Variants in KATNAL2 observed in about 807,000 individuals in gnomAD.
KATNAL2 encodes the protein katanin p60 ATPase-containing subunit A-like 2.
In KATNAL2, 52 loss-of-function variants were observed where a neutral mutation model predicts 76.3. The observed-to-expected ratio is 0.68, with a 90% CI of 0.55 to 0.86. The LOEUF is 0.86. Ranked by LOEUF, KATNAL2 falls within the 40% of genes least tolerant of loss-of-function variation. The pLI is 0.00. For synonymous variants in KATNAL2, 243 were observed against 244.2 expected (o/e 1.00, Z 0.05); for missense variants, 660 against 668.9 (o/e 0.99, Z 0.15).
At chr18:47,028,597 A>ACCTC in intron 3 of KATNAL2, 1 of 624,244 alleles carries the variant, frequency 1.6e-6, no homozygotes, top group Non-Finnish European at 2.2e-6. Flanking sequence ...AGCCGCAGGT[A>ACCTC]CAGCTCCCGC....
In KATNAL2 at chr18:47,062,106, A is replaced by G. The variant is rs1372558942; in HGVS notation, c.550-866A>G. Among the ~76,000 whole-genome samples the G allele has an allele frequency of 2.0e-5, 3 of 152,184 alleles. No homozygotes were observed. In the South Asian group the frequency reaches 6.2e-4, roughly 32 times the overall value. ...TATAAGAATTAGAAGTAGGCTGGGTATGCTGGTTCGCACCTGTAATCCCAG... is the reference window on the plus strand; with the variant it reads ...TATAAGAATTAGAAGTAGGCTGGGTGTGCTGGTTCGCACCTGTAATCCCAG... On this transcript the variant is annotated intron_variant, in intron 8 of 17. Coordinates refer to ENST00000683218, the MANE Select transcript of KATNAL2 (RefSeq NM_001387690.1).
intron 3 of KATNAL2, among the ~76,000 whole-genome samples, chr18:47,038,024 A>G (rs1368887702): frequency 6.6e-6 from 1 of 152,130 alleles, no homozygotes; most frequent in East Asian, 1.9e-4. Context: ...TACCAGACAG[A>G]GTTCTAAAGG....
intron 3 of KATNAL2, among the ~76,000 whole-genome samples, chr18:46,960,631 C>G (rs1406206282): frequency 1.3e-5 from 2 of 152,156 alleles, no homozygotes; most frequent in African/African-American, 4.8e-5. Context: ...GCTCTCATAA[C>G]ATTTAGAGAC....
chr18:47,066,847 TTATATATATA>T (rs56018747), intron 10 of KATNAL2, among the ~76,000 whole-genome samples, 164 bp from the exon 11 acceptor site: 56 of 29,580 alleles, frequency 1.9e-3, no homozygotes, highest in Middle Eastern at 0.024. Flanking sequence ...ATATATGTGT[TTATATATATA>T]TATATATATA....
At position 47,084,326 on chromosome 18, in the gene KATNAL2, C is replaced by T. The variant is rs62095457; in HGVS notation, c.1211+6865C>T. The T allele has an allele frequency of 9.6e-3, 6,742 of 702,896 alleles. 64 individuals carry two copies. Among genetic ancestry groups the T allele is most frequent in the Non-Finnish European group, 0.014 (5,367 of 384,936 alleles). 43.5% of individuals were successfully genotyped at this position (702,896 alleles called of 1,614,324 possible). A position where few individuals can be genotyped will look rare whatever the true frequency, so the allele number is the denominator to read the frequency against. ...TAAGCAGATGTAACCCTTGTTCTTT[C>T]CATAGTAACCACATGCATTTTTGGG... On this transcript the variant is annotated intron_variant, in intron 15 of 17. Coordinates refer to ENST00000683218, the MANE Select transcript of KATNAL2 (RefSeq NM_001387690.1).
At chr18:47,035,320 G>A in intron 3 of KATNAL2, 1 of 1,609,396 alleles carries the variant, frequency 6.2e-7, no homozygotes, top group South Asian at 1.1e-5. Context: ...TGTCTTTGGG[G>A]CTGCGGGACA....
At chr18:46,931,280 A>G (rs940778629) in intron 1 of KATNAL2, among the ~76,000 whole-genome samples, 5 of 151,422 alleles carry the variant, frequency 3.3e-5, no homozygotes, top group African/African-American at 1.2e-4. Context: ...AGCCTGGGCA[A>G]CAGAGTGAGA....
intron 15 of KATNAL2, among the ~76,000 whole-genome samples, chr18:47,083,729 A>C (rs570483655): frequency 6.6e-6 from 1 of 152,360 alleles, no homozygotes; most frequent in African/African-American, 2.4e-5. Context: ...ATAGCCATGT[A>C]AGAAATTTAG....
chr18:46,952,727 G>A (rs1293919965), intron 3 of KATNAL2, among the ~76,000 whole-genome samples: 1 of 151,186 alleles, frequency 6.6e-6, no homozygotes, highest in East Asian at 2.0e-4. Flanking sequence ...ATGGTTGAAT[G>A]TTCCTTTTTC....
At chr18:47,053,146 C>A (rs1173025085) in intron 5 of KATNAL2, 100 bp downstream of exon 5, 4 of 989,208 alleles carry the variant, frequency 4.0e-6, no homozygotes, top group Non-Finnish European at 4.4e-6. Flanking sequence ...TCACCCTGCA[C>A]CAAAGGAGTA....
Position 47,053,017 on chromosome 18 carries a change from C to T in KATNAL2, c.260C>T (p.Pro87Leu). 1 of 1,605,120 alleles carries T rather than the reference C, an allele frequency of 6.2e-7. No individual in the cohort carries two copies. Among genetic ancestry groups the T allele is most frequent in the African/African-American group, 1.3e-5 (1 of 74,598 alleles). Residue 87 changes from proline to leucine, a missense_variant, in exon 5 of 18, where the codon CCC (proline) becomes CTC (leucine). Pro to Leu is a moderately conservative substitution (Grantham distance 98). Transcript: ENST00000683218. ...SYYFVKFQKY[P>L]KIVKKSSDTA... ...TATTTTGTAAAATTTCAGAAATACC[C>T]CAAAATTGTCAAAAAGTCATCAGAC...
intron 4 of KATNAL2, 36 bp from the exon 5 acceptor site, chr18:47,052,844 A>G: frequency 6.6e-7 from 1 of 1,504,074 alleles, no homozygotes; most frequent in Non-Finnish European, 8.9e-7. Context: ...TTTTCACCTC[A>G]GTTAATTTCT....
At chr18:46,942,634 A>G (rs1042520980) in intron 1 of KATNAL2, among the ~76,000 whole-genome samples, 2 of 152,194 alleles carry the variant, frequency 1.3e-5, no homozygotes, top group South Asian at 4.2e-4. Flanking sequence ...AAACAAACAA[A>G]CAAAAGTTCA....
intron 3 of KATNAL2, among the ~76,000 whole-genome samples, chr18:47,044,320 T>G (rs2061075804): frequency 6.6e-6 from 1 of 152,196 alleles, no homozygotes; most frequent in African/African-American, 2.4e-5. Context: ...TGCCAGGGGC[T>G]GGGGGCAGGG....
intron 1 of KATNAL2, among the ~76,000 whole-genome samples, chr18:46,936,692 C>T (rs1432692193): frequency 6.6e-6 from 1 of 152,180 alleles, no homozygotes; most frequent in African/African-American, 2.4e-5. Flanking sequence ...TGACTTATGC[C>T]TGTAATCCCA....
At chr18:47,055,879 C>T (rs1009736258) in intron 6 of KATNAL2, among the ~76,000 whole-genome samples, 6 of 152,184 alleles carry the variant, frequency 3.9e-5, no homozygotes, top group African/African-American at 1.4e-4. Context: ...CAGCTCCTCT[C>T]TGAGTAGATG....
At chr18:46,949,159 C>T (rs1031092958) in intron 3 of KATNAL2, among the ~76,000 whole-genome samples, 41 of 151,946 alleles carry the variant, frequency 2.7e-4, no homozygotes, top group African/African-American at 9.2e-4. Flanking sequence ...CGGCCTCCCA[C>T]GGTGCTGGAA....
chr18:47,086,329 GAC>G (rs1400048566), intron 15 of KATNAL2, among the ~76,000 whole-genome samples: 1 of 151,866 alleles, frequency 6.6e-6, no homozygotes, highest in Non-Finnish European at 1.5e-5. Context: ...TTTATTTGGA[GAC>G]AGAGTCTCGC....
chr18:47,092,099 C>G (rs1300141185), intron 15 of KATNAL2, among the ~76,000 whole-genome samples: 1 of 152,090 alleles, frequency 6.6e-6, no homozygotes, highest in Non-Finnish European at 1.5e-5. Context: ...CATCTTGTTT[C>G]TGTATATTGG....
Sources: allele counts gnomAD v4.1 joint callset (sites outside exome capture counted in the v4.1 genomes callset), GRCh38; gene constraint gnomAD v4.1.1; transcripts MANE v1.5; gene names NCBI Gene and HGNC (gene_info 2026-07-23, HGNC 2026-07-21).